The following SPTBN4 variants were observed in gnomAD, a reference collection of about 807,000 sequenced individuals.
SPTBN4 encodes the protein spectrin beta chain, non-erythrocytic 4.
A neutral mutation model predicts 277.8 loss-of-function variants in SPTBN4; 96 were observed. The ratio of observed to expected loss-of-function variants is 0.35; its 90% CI spans 0.29 to 0.41. The LOEUF (loss-of-function observed/expected upper bound fraction) is 0.41. Ranked by LOEUF, SPTBN4 falls within the 10% of genes least tolerant of loss-of-function variation. The pLI is 1.00. For synonymous variants in SPTBN4, 1,481 were observed against 1,580.3 expected (o/e 0.94, Z 1.49); for missense variants, 3,006 against 3,595.7 (o/e 0.84, Z 4.19).
chr19:40,560,024 T>C lies in SPTBN4; in HGVS notation c.5671-135T>C. ...TCAAAGAGAAATCAGGCAGCAGATA[T>C]GACAGGAGCCTGGCTGTGGGATCAC... On this transcript the variant is annotated intron_variant, in intron 26 of 35. Transcript: ENST00000598249. The surrounding 1 kb of genome is among the most constrained non-coding windows in gnomAD (Gnocchi z 5.2). 1 of 1,430,496 alleles carries C rather than the reference T, an allele frequency of 7.0e-7. No homozygotes were observed. The highest frequency in any genetic ancestry group is 2.5e-5 in the East Asian group (1 of 39,832). The allele number at this position is 1,430,496 out of a possible 1,614,324, so 88.6% of individuals were successfully genotyped here.
intron 18 of SPTBN4, among the ~76,000 whole-genome samples, chr19:40,529,781 G>C (rs1265870521): frequency 3.3e-5 from 5 of 152,160 alleles, no homozygotes; most frequent in South Asian, 2.1e-4. Flanking sequence ...CCTAAACAGA[G>C]CTAGGCCTGG....
Position 40,575,598 on chromosome 19 carries a change from C to T in SPTBN4, c.*29C>T, listed in dbSNP as rs756475767. 9.4e-6 allele frequency: 15 copies of T among 1,592,404 alleles called. No homozygotes were observed. Among genetic ancestry groups the T allele is most frequent in the South Asian group, 6.7e-5 (6 of 89,354 alleles). ...CCCACCCCCAGGACCTGACACATCT[C>T]GTCTCCCCTCTTTTCCGCACTGTGG... On this transcript the variant is annotated 3_prime_UTR_variant, in exon 36 of 36. Transcript: ENST00000598249.
intron 17 of SPTBN4, among the ~76,000 whole-genome samples, chr19:40,525,516 T>C (rs1173635144): frequency 6.6e-6 from 1 of 152,128 alleles, no homozygotes; most frequent in African/African-American, 2.4e-5. Context: ...ACCTGCTGCA[T>C]GCCAGGCTCA....
chr19:40,566,509 C>A, intron 30 of SPTBN4, 150 bp downstream of exon 30: 1 of 665,402 alleles, frequency 1.5e-6, no homozygotes, highest in Non-Finnish European at 2.3e-6. Context: ...CCCAGTGGAG[C>A]AGAGGGACAG....
Position 40,556,284 on chromosome 19 carries a change from T to C in SPTBN4, c.5285T>C (p.Val1762Ala), listed in dbSNP as rs774083674. 5.5e-5 allele frequency: 89 copies of C among 1,611,150 alleles called. No homozygotes were observed. The South Asian group carries it at 9.7e-4, about 18-fold the overall frequency. The change falls in exon 25 of 36, where the codon GTC becomes GCC. Residue 1762 changes from valine to alanine, a missense_variant. Val to Ala is a moderately conservative substitution (Grantham distance 64, BLOSUM62 0). Around this residue, in one of 5 missense-constraint regions of SPTBN4, gnomAD observed 425 missense variants for 594.7 expected, o/e 0.71. Coordinates refer to ENST00000598249, the MANE Select transcript of SPTBN4 (RefSeq NM_020971.3). ...SPELGQDFEHVSVLQEKFSEF... is the reference protein window; with the variant it reads ...SPELGQDFEHASVLQEKFSEF... ...GAGCTCGGCCAGGACTTTGAGCATGTCTCGGTGAGCATCATTAGTAATAAG... is the reference window on the plus strand; with the variant it reads ...GAGCTCGGCCAGGACTTTGAGCATGCCTCGGTGAGCATCATTAGTAATAAG...
chr19:40,519,997 G>C lies in SPTBN4; in HGVS notation c.3500G>C (p.Gly1167Ala). ...GCCGACGGCGCAGAGCTGGGCCCGG[G>C]CCTGGCACTAGACGAGTGGCTGCCA... ...LAADGAELGP[G>A]LALDEWLPHL... Residue 1167 changes from glycine to alanine, a missense_variant, in exon 16 of 36, where the codon GGC becomes GCC. By Grantham distance (60) the Gly-to-Ala change is moderately conservative. Around this residue, in one of 5 missense-constraint regions of SPTBN4, gnomAD observed 1,759 missense variants for 2,061.5 expected, o/e 0.85. Coordinates refer to ENST00000598249, the MANE Select transcript of SPTBN4 (RefSeq NM_020971.3). The surrounding 1 kb of genome is among the most constrained non-coding windows in gnomAD (Gnocchi z 5.7). 6.4e-7 allele frequency: 1 copy of C among 1,563,294 alleles called. No individual in the cohort carries two copies. Among genetic ancestry groups the C allele is most frequent in the Non-Finnish European group, 8.6e-7 (1 of 1,159,510 alleles).
At chr19:40,483,658 A>G (rs1356889041) in intron 2 of SPTBN4, among the ~76,000 whole-genome samples, 2 of 152,206 alleles carry the variant, frequency 1.3e-5, no homozygotes, top group Non-Finnish European at 2.9e-5. Context: ...ATCATCAATC[A>G]TACCTGAGAA....
Position 40,567,646 on chromosome 19 carries a change from G to C in SPTBN4, c.6337-17G>C, listed in dbSNP as rs369620903. The stretch of plus-strand genomic sequence containing the variant: ...GGCCCCACGCCTCCAACCTAACCCT[G>C]GTCCCTCCATCCTCAGATCGAGAAA... On this transcript the variant is annotated splice_polypyrimidine_tract_variant and intron_variant, in intron 30 of 35. Transcript: ENST00000598249. 3.1e-5 allele frequency: 45 copies of C among 1,473,510 alleles called. No individual in the cohort carries two copies. The highest frequency in any genetic ancestry group is 3.8e-5 in the Non-Finnish European group (42 of 1,110,272). 91.3% of individuals were successfully genotyped at this position (1,473,510 alleles called of 1,614,324 possible).
intron 20 of SPTBN4, among the ~76,000 whole-genome samples, chr19:40,546,647 C>T (rs1348578423): frequency 6.6e-6 from 1 of 152,100 alleles, no homozygotes; most frequent in African/African-American, 2.4e-5. Context: ...TCAAGACCAG[C>T]CTGGGCAACA....
At chr19:40,516,070 G>GTGTA (rs111866442) in intron 15 of SPTBN4, among the ~76,000 whole-genome samples, 3 of 133,124 alleles carry the variant, frequency 2.3e-5, no homozygotes, top group African/African-American at 8.9e-5. Flanking sequence ...CTATATATAT[G>GTGTA]TATATATATA....
chr19:40,550,185 C>T (rs2080902156), intron 21 of SPTBN4, 53 bp from the exon 22 acceptor site: 2 of 1,497,276 alleles, frequency 1.3e-6, no homozygotes, highest in East Asian at 2.3e-5. Flanking sequence ...AGTTGCGATG[C>T]AGGGGTTCTT....
At position 40,512,883 on chromosome 19, in the gene SPTBN4, G is replaced by GGCC; in HGVS notation, c.2095_2097dup (p.Ala699dup). On this transcript the variant is annotated inframe_insertion, in exon 14 of 36. Coordinates refer to ENST00000598249, the MANE Select transcript of SPTBN4 (RefSeq NM_020971.3). ...ACCTGTCCAGCACAGCGCGCCTCCTGGCCCAGCACAAGATCCTGCAGGGCG... is the reference window on the plus strand; with the variant it reads ...ACCTGTCCAGCACAGCGCGCCTCCTGGCCGCCCAGCACAAGATCCTGCAGGGCG... 1 of 1,446,532 alleles carries GGCC rather than the reference G, an allele frequency of 6.9e-7. No individual in the cohort carries two copies. Among genetic ancestry groups the GGCC allele is most frequent in the Non-Finnish European group, 9.0e-7 (1 of 1,111,502 alleles). 89.6% of individuals were successfully genotyped at this position (1,446,532 alleles called of 1,614,324 possible).
At chr19:40,528,070 AAAAAAAG>A (rs1461489658) in intron 17 of SPTBN4, among the ~76,000 whole-genome samples, 8 of 151,000 alleles carry the variant, frequency 5.3e-5, no homozygotes, top group Admixed American at 1.3e-4. Flanking sequence ...AAAAAAAAAA[AAAAAAAG>A]GACTCTAAGG....
chr19:40,559,644 T>G (rs2081021579), intron 26 of SPTBN4, among the ~76,000 whole-genome samples: 1 of 152,110 alleles, frequency 6.6e-6, no homozygotes, highest in Non-Finnish European at 1.5e-5. Flanking sequence ...CAAGACCCTG[T>G]CTCAGAAAAA....
At chr19:40,512,180 C>T (rs1041231153) in intron 13 of SPTBN4, among the ~76,000 whole-genome samples, 1 of 152,202 alleles carries the variant, frequency 6.6e-6, no homozygotes, top group Non-Finnish European at 1.5e-5. Flanking sequence ...CTGACATAAG[C>T]ACAATTTTCA....
At chr19:40,497,366 TG>T in intron 6 of SPTBN4, 122 bp from the exon 7 acceptor site, 1 of 702,084 alleles carries the variant, frequency 1.4e-6, no homozygotes, top group Non-Finnish European at 2.5e-6. Context: ...GCTTGCCCCT[TG>T]GCTAGACTGT....
At chr19:40,494,145 C>T (rs989649748) in intron 5 of SPTBN4, among the ~76,000 whole-genome samples, 5 of 152,242 alleles carry the variant, frequency 3.3e-5, no homozygotes, top group South Asian at 2.1e-4. Context: ...CCTGGGAGGA[C>T]GGAGGGAGGG....
In SPTBN4 at chr19:40,504,148, CGGGG is replaced by C; in HGVS notation, c.1665+17_1665+20del. 1.1e-4 allele frequency: 68 copies of C among 645,486 alleles called. No individual in the cohort carries two copies. Among genetic ancestry groups the C allele is most frequent in the African/African-American group, 1.5e-4 (2 of 13,332 alleles). 40.0% of individuals were successfully genotyped at this position (645,486 alleles called of 1,614,324 possible). A position where few individuals can be genotyped will look rare whatever the true frequency, so the allele number is the denominator to read the frequency against. ...GGAGATGCAGGTGCCGGCGGGGGGG[CGGGG>C]ATGCGGGTGGAGTGCCAGGAGGGAG... On this transcript the variant is annotated intron_variant, in intron 12 of 35. Coordinates refer to ENST00000598249, the MANE Select transcript of SPTBN4 (RefSeq NM_020971.3).
At position 40,570,668 on chromosome 19, in the gene SPTBN4, A is replaced by G. The variant is rs750843677; in HGVS notation, c.7259A>G (p.Gln2420Arg). The G allele has an allele frequency of 5.0e-6, 8 of 1,601,474 alleles. No individual in the cohort carries two copies. The Admixed American group carries it at 5.1e-5, about 10-fold the overall frequency. The stretch of plus-strand genomic sequence containing the variant: ...CCGCCACCGCCCACTCACACAGTGC[A>G]GCACGAGGGCTTCCTACTGCGCAAG... The part of the protein sequence containing the change: ...APPPPPTHTV[Q>R]HEGFLLRKRE... Residue 2420 changes from glutamine to arginine, a missense_variant, in exon 33 of 36, where the codon CAG (glutamine) becomes CGG (arginine). Coordinates refer to ENST00000598249, the MANE Select transcript of SPTBN4 (RefSeq NM_020971.3).
Sources: allele counts gnomAD v4.1 joint callset (sites outside exome capture counted in the v4.1 genomes callset), GRCh38; gene constraint gnomAD v4.1.1; regional missense constraint gnomAD v4.1.1; non-coding constraint Gnocchi (gnomAD v3.1); transcripts MANE v1.5; gene names NCBI Gene and HGNC (gene_info 2026-07-23, HGNC 2026-07-21).